The following PTPN2 variants were observed in gnomAD, a reference collection of about 807,000 sequenced individuals.
PTPN2 encodes the protein tyrosine-protein phosphatase non-receptor type 2.
In PTPN2, 19 loss-of-function variants were observed where a neutral mutation model predicts 57.3. That is an observed-to-expected ratio of 0.33 (90% CI 0.23 to 0.49). The LOEUF is 0.49. Ranked by LOEUF, PTPN2 falls within the 20% of genes least tolerant of loss-of-function variation. The pLI is 0.99. For synonymous variants in PTPN2, 153 were observed against 164.9 expected, an observed-to-expected ratio of 0.93 and a Z score of 0.55; for missense variants, 358 against 501.1, an observed-to-expected ratio of 0.71 and a Z score of 2.73.
chr18:12,863,969 T>C (rs2043905357), intron 1 of PTPN2: 1 of 152,204 alleles, frequency 6.6e-6, no homozygotes, highest in Non-Finnish European at 1.5e-5. Context: ...ACTTATAATG[T>C]TGAAAGGCTT....
rs190230224 is a variant in PTPN2 at position 12,800,845 on chromosome 18, A to G, written c.1040+1125T>C. On this transcript the variant is annotated intron_variant, in intron 8 of 8. Coordinates refer to ENST00000309660, the MANE Select transcript of PTPN2 (RefSeq NM_002828.4). ...TTTGCTATGTGACTTATACCAGGTTATCAGCTTCCTAATCTGTGAGAGACA... is the reference window on the plus strand; with the variant it reads ...TTTGCTATGTGACTTATACCAGGTTGTCAGCTTCCTAATCTGTGAGAGACA... Among the ~76,000 whole-genome samples the G allele has an allele frequency of 2.7e-3, 409 of 152,372 alleles. 6 individuals carry two copies. Among genetic ancestry groups the G allele is most frequent in the African/African-American group, 9.5e-3 (397 of 41,584 alleles).
chr18:12,794,597 T>G, intron 8 of PTPN2, 112 bp from the exon 9 acceptor site: 1 of 1,272,022 alleles, frequency 7.9e-7, no homozygotes, highest in Non-Finnish European at 1.1e-6. Context: ...TTCACCCTAT[T>G]TGAACACTGG....
At chr18:12,811,026 A>G (rs1034038261) in intron 7 of PTPN2, among the ~76,000 whole-genome samples, 13 of 152,226 alleles carry the variant, frequency 8.5e-5, no homozygotes, top group African/African-American at 3.1e-4. Context: ...GCTACTCTCC[A>G]TGCCATATTC....
intron 7 of PTPN2, among the ~76,000 whole-genome samples, chr18:12,809,007 G>A (rs1029773396): frequency 2.0e-5 from 3 of 152,084 alleles, no homozygotes; most frequent in Admixed American, 6.6e-5. Flanking sequence ...GAGAACTAAC[G>A]GTGAGATCTC....
At chr18:12,875,810 A>G (rs1297551521) in intron 1 of PTPN2, among the ~76,000 whole-genome samples, 1 of 152,246 alleles carries the variant, frequency 6.6e-6, no homozygotes, top group Non-Finnish European at 1.5e-5. Flanking sequence ...GTAAGAGGAC[A>G]AAGACAAGGT....
intron 1 of PTPN2, among the ~76,000 whole-genome samples, chr18:12,870,349 ATGTG>A (rs1382110047): frequency 0.087 from 4,326 of 49,466 alleles, 458 homozygotes; most frequent in Middle Eastern, 0.19. Flanking sequence ...ATACATATAT[ATGTG>A]TATATATATG....
intron 7 of PTPN2, among the ~76,000 whole-genome samples, chr18:12,809,184 C>T (rs1338423280): frequency 1.3e-5 from 2 of 152,108 alleles, no homozygotes; most frequent in Non-Finnish European, 2.9e-5. Context: ...AGGATTCGGA[C>T]CAAGATGAAG....
chr18:12,834,593 G>C (rs1310506253), intron 3 of PTPN2, among the ~76,000 whole-genome samples: 3 of 151,976 alleles, frequency 2.0e-5, no homozygotes, highest in African/African-American at 7.3e-5. Flanking sequence ...GTCTTTGCTG[G>C]GTGAGTGAAT....
intron 3 of PTPN2, among the ~76,000 whole-genome samples, chr18:12,835,842 T>TCC: frequency 6.6e-6 from 1 of 152,294 alleles, no homozygotes; most frequent in South Asian, 2.1e-4. Flanking sequence ...GTGCAAAGTG[T>TCC]CCACCTTTGA....
Position 12,874,317 on chromosome 18 carries a change from C to G in PTPN2, c.69+9756G>C, listed in dbSNP as rs866191811. Among the ~76,000 whole-genome samples, 55 of 136,328 alleles carry G rather than the reference C, an allele frequency of 4.0e-4. No homozygotes were observed. The Middle Eastern group carries it at 0.023, about 58-fold the overall frequency. 89.4% of individuals were successfully genotyped at this position (136,328 alleles called of 152,430 possible). Reference sequence around the variant, plus strand: ...GAGGGAGGTGGGGGGGTCAGCCCCCCGCTTGGCCAGCCGCCCCGTCTGGGA... The same window carrying G: ...GAGGGAGGTGGGGGGGTCAGCCCCCGGCTTGGCCAGCCGCCCCGTCTGGGA... On this transcript the variant is annotated intron_variant, in intron 1 of 8. Transcript: ENST00000309660.
chr18:12,874,446 G>C (rs2044401873), intron 1 of PTPN2, among the ~76,000 whole-genome samples: 1 of 147,882 alleles, frequency 6.8e-6, no homozygotes. Flanking sequence ...GCCTCGTCCG[G>C]GAGGTGAGGG....
At chr18:12,817,667 G>A (rs1051680313) in intron 5 of PTPN2, among the ~76,000 whole-genome samples, 1 of 152,136 alleles carries the variant, frequency 6.6e-6, no homozygotes, top group Non-Finnish European at 1.5e-5. Context: ...TTTTCCTGAT[G>A]AGGAAACTGA....
At chr18:12,813,297 G>A (rs2041960421) in intron 7 of PTPN2, among the ~76,000 whole-genome samples, 1 of 152,138 alleles carries the variant, frequency 6.6e-6, no homozygotes, top group African/African-American at 2.4e-5. Flanking sequence ...AAGTGACCCT[G>A]GCAAATCCAG....
At chr18:12,876,136 G>A (rs1277017091) in intron 1 of PTPN2, among the ~76,000 whole-genome samples, 1 of 152,010 alleles carries the variant, frequency 6.6e-6, no homozygotes, top group African/African-American at 2.4e-5. Context: ...GACAGAGTGA[G>A]ACCCTGTCTC....
Position 12,792,236 on chromosome 18 carries a change from T to C in PTPN2, c.*2042A>G. ...CATAATTTAACACATTCAAGGAGAC[T>C]ATGCAAATCAATTCAAAATATCTAT... On this transcript the variant is annotated 3_prime_UTR_variant, in exon 9 of 9. Coordinates refer to ENST00000309660, the MANE Select transcript of PTPN2 (RefSeq NM_002828.4). 1 of 952,806 alleles carries C rather than the reference T, an allele frequency of 1.0e-6. No individual in the cohort carries two copies. The highest frequency in any genetic ancestry group is 1.3e-6 in the Non-Finnish European group (1 of 799,756). 59.0% of individuals were successfully genotyped at this position (952,806 alleles called of 1,614,324 possible). A position where few individuals can be genotyped will look rare whatever the true frequency, so the allele number is the denominator to read the frequency against.
intron 5 of PTPN2, chr18:12,819,336 C>T (rs896462699): frequency 1.6e-4 from 123 of 789,156 alleles, no homozygotes; most frequent in African/African-American, 6.3e-4. Flanking sequence ...ATGGTTTCTA[C>T]GCTTTAAGAC....
intron 7 of PTPN2, among the ~76,000 whole-genome samples, chr18:12,805,248 G>C (rs569407623): frequency 6.6e-6 from 1 of 152,150 alleles, no homozygotes; most frequent in South Asian, 2.1e-4. Flanking sequence ...CTTGAGGTCA[G>C]GCGTTTGGGA....
chr18:12,870,639 GC>G (rs2044239073), intron 1 of PTPN2, among the ~76,000 whole-genome samples: 1 of 147,742 alleles, frequency 6.8e-6, no homozygotes, highest in Non-Finnish European at 1.5e-5. Flanking sequence ...CTCCCGAGCA[GC>G]TGGGACTACA....
chr18:12,859,701 C>T (rs1598864366), intron 1 of PTPN2, among the ~76,000 whole-genome samples: 2 of 152,180 alleles, frequency 1.3e-5, no homozygotes, highest in African/African-American at 4.8e-5. Flanking sequence ...ACAGCATCTA[C>T]CTAAATTTTG....
Sources: gnomAD v4.1 joint callset for allele counts (sites outside exome capture counted in the v4.1 genomes callset) on GRCh38, gnomAD v4.1.1 for gene constraint, MANE v1.5 for transcripts, NCBI Gene and HGNC (gene_info 2026-07-23, HGNC 2026-07-21) for gene names.